LRRC4C: variants seen among roughly 807,000 people sequenced by gnomAD.
The protein encoded by LRRC4C is leucine-rich repeat-containing protein 4C.
Under a neutral mutation model 33.6 loss-of-function variants are expected in LRRC4C, and 5 were observed. That is an observed-to-expected ratio of 0.15 (90% confidence interval 0.08 to 0.31). The LOEUF (loss-of-function observed/expected upper bound fraction) is 0.31. Among genes scored for constraint, LRRC4C ranks in the 10% least tolerant of loss-of-function variants. LRRC4C has a pLI of 1.00. For synonymous variants in LRRC4C, 329 were observed against 302.0 expected, an observed-to-expected ratio of 1.09 and a Z score of -0.93; for missense variants, 560 against 796.7, an observed-to-expected ratio of 0.70 and a Z score of 3.58.
At chr11:41,416,766 CCTAA>C (rs1954696651) in intron 1 of LRRC4C, among the ~76,000 whole-genome samples, 1 of 151,956 alleles carries the variant, frequency 6.6e-6, no homozygotes, top group African/African-American at 2.4e-5. Flanking sequence ...ATAATATCTA[CCTAA>C]CTACTTCATA....
At chr11:41,277,331 T>C (rs1000532589) in intron 1 of LRRC4C, among the ~76,000 whole-genome samples, 6 of 152,188 alleles carry the variant, frequency 3.9e-5, no homozygotes, top group African/African-American at 1.4e-4. Flanking sequence ...CTGAATATTA[T>C]TTGCCATTAC....
At chr11:40,712,051 AG>A (rs1407808768) in intron 2 of LRRC4C, among the ~76,000 whole-genome samples, 4 of 152,186 alleles carry the variant, frequency 2.6e-5, no homozygotes, top group Non-Finnish European at 5.9e-5. Flanking sequence ...CTAATAACAC[AG>A]GAGGGCTAAA....
chr11:41,150,897 A>C (rs894431854), intron 1 of LRRC4C, among the ~76,000 whole-genome samples: 1 of 152,164 alleles, frequency 6.6e-6, no homozygotes, highest in African/African-American at 2.4e-5. Flanking sequence ...AGACAGAGAA[A>C]ACATACAGAT....
At chr11:41,407,686 C>T (rs1954294416) in intron 1 of LRRC4C, among the ~76,000 whole-genome samples, 2 of 152,142 alleles carry the variant, frequency 1.3e-5, no homozygotes, top group South Asian at 2.1e-4. Flanking sequence ...CTTTTATAAA[C>T]CATGTTGCTC....
intron 4 of LRRC4C, among the ~76,000 whole-genome samples, chr11:40,244,729 G>C (rs1427405163): frequency 6.6e-6 from 1 of 151,844 alleles, no homozygotes; most frequent in Non-Finnish European, 1.5e-5. Context: ...GGGCTAAGGG[G>C]AAGGTTTTTT....
intron 3 of LRRC4C, among the ~76,000 whole-genome samples, chr11:40,371,365 A>T (rs534094220): frequency 3.9e-5 from 6 of 152,160 alleles, no homozygotes; most frequent in Non-Finnish European, 8.8e-5. Context: ...CAATTTGTAC[A>T]TTTTTGACAA....
intron 3 of LRRC4C, among the ~76,000 whole-genome samples, chr11:40,633,146 G>T (rs948011041): frequency 2.0e-5 from 3 of 152,026 alleles, no homozygotes; most frequent in Non-Finnish European, 2.9e-5. Flanking sequence ...ACTGGATCAG[G>T]GAGGGTCCAT....
intron 2 of LRRC4C, among the ~76,000 whole-genome samples, chr11:40,734,436 A>G (rs1027729603): frequency 6.6e-6 from 1 of 152,172 alleles, no homozygotes; most frequent in Admixed American, 6.5e-5. Flanking sequence ...AGACAGAGAC[A>G]ATCAACAACA....
intron 3 of LRRC4C, among the ~76,000 whole-genome samples, chr11:40,643,956 C>T (rs75642242): frequency 2.0e-5 from 3 of 151,928 alleles, no homozygotes; most frequent in Admixed American, 6.6e-5. Flanking sequence ...CTGCAAACTA[C>T]GTATTCTACC....
chr11:40,606,373 A>G (rs1462108543), intron 3 of LRRC4C, among the ~76,000 whole-genome samples: 1 of 152,230 alleles, frequency 6.6e-6, no homozygotes, highest in Non-Finnish European at 1.5e-5. Context: ...CAACACATCC[A>G]CAAGAAAAGT....
chr11:40,598,286 C>A (rs1057039416), intron 3 of LRRC4C, among the ~76,000 whole-genome samples: 5 of 152,106 alleles, frequency 3.3e-5, no homozygotes, highest in African/African-American at 1.2e-4. Context: ...GGGTTTAAAC[C>A]AACCAAACAA....
intron 1 of LRRC4C, among the ~76,000 whole-genome samples, chr11:41,065,073 G>C (rs1938119588): frequency 6.6e-6 from 1 of 152,164 alleles, no homozygotes; most frequent in Non-Finnish European, 1.5e-5. Context: ...GACTCCCCCG[G>C]AAAGGGGGCT....
chr11:40,181,649 G>T (rs576994052), intron 5 of LRRC4C, among the ~76,000 whole-genome samples: 2 of 152,178 alleles, frequency 1.3e-5, no homozygotes, highest in South Asian at 2.1e-4. Flanking sequence ...GTTCAGCTTC[G>T]TTTGACAGCA....
intron 1 of LRRC4C, among the ~76,000 whole-genome samples, chr11:41,292,639 A>G (rs2086476211): frequency 6.6e-6 from 1 of 152,180 alleles, no homozygotes. Context: ...AGTTACTGGT[A>G]GTTAACTAGA....
chr11:40,196,470 G>A (rs1042697084), intron 5 of LRRC4C, among the ~76,000 whole-genome samples: 6 of 152,172 alleles, frequency 3.9e-5, no homozygotes, highest in African/African-American at 1.2e-4. Context: ...CTTAAAGACA[G>A]TCTCTTGTTT....
At chr11:41,180,878 T>C (rs1015403038) in intron 1 of LRRC4C, among the ~76,000 whole-genome samples, 1 of 151,726 alleles carries the variant, frequency 6.6e-6, no homozygotes, top group African/African-American at 2.4e-5. Context: ...GACACAGAAA[T>C]CAACTTCCTG....
chr11:40,362,656 G>C (rs1948011888), intron 3 of LRRC4C, among the ~76,000 whole-genome samples: 1 of 152,172 alleles, frequency 6.6e-6, no homozygotes, highest in South Asian at 2.1e-4. Flanking sequence ...GGAGGTGGAG[G>C]TTGTAGTGAG....
chr11:40,553,672 A>AT (rs1957217648), intron 3 of LRRC4C, among the ~76,000 whole-genome samples: 1 of 152,140 alleles, frequency 6.6e-6, no homozygotes, highest in African/African-American at 2.4e-5. Context: ...TTATCTGATG[A>AT]TTAGTGATGT....
chr11:40,243,965 G>T (rs776036058), intron 4 of LRRC4C, among the ~76,000 whole-genome samples: 2 of 151,514 alleles, frequency 1.3e-5, no homozygotes, highest in Non-Finnish European at 2.9e-5. Context: ...CTCCCAAAGT[G>T]CTAGGATTAC....
Sources: gnomAD v4.1 joint callset for allele counts (sites outside exome capture counted in the v4.1 genomes callset) on GRCh38, gnomAD v4.1.1 for gene constraint, MANE v1.5 for transcripts, NCBI Gene and HGNC (gene_info 2026-07-23, HGNC 2026-07-21) for gene names.